Variants in BPTF observed in about 807,000 individuals in gnomAD.
BPTF encodes nucleosome-remodeling factor subunit BPTF.
A neutral mutation model predicts 292.5 loss-of-function variants in BPTF; 18 were observed. The ratio of observed to expected loss-of-function variants is 0.06; its 90% CI spans 0.04 to 0.09. The LOEUF (loss-of-function observed/expected upper bound fraction) is 0.09, where lower values mean the gene tolerates loss of function less well. BPTF is among the 10% of genes least tolerant of loss of function. The pLI is 1.00. For missense variants in BPTF, 2,726 were observed against 3,498.7 expected, an observed-to-expected ratio of 0.78 and a Z score of 5.57; for synonymous variants, 1,225 against 1,251.9, an observed-to-expected ratio of 0.98 and a Z score of 0.45.
intron 1 of BPTF, among the ~76,000 whole-genome samples, chr17:67,845,667 A>C (rs2057975607): frequency 6.6e-6 from 1 of 151,938 alleles, no homozygotes; most frequent in Admixed American, 6.6e-5. Flanking sequence ...CCAGCTACTC[A>C]GGAGGCTGAG....
At chr17:67,862,799 G>GA (rs966335361) in intron 2 of BPTF, among the ~76,000 whole-genome samples, 22 of 147,840 alleles carry the variant, frequency 1.5e-4, no homozygotes, top group East Asian at 7.8e-4. Context: ...CAGGCTCTAG[G>GA]AAAAAAATCC....
At chr17:67,914,263 A>T (rs1283311336) in intron 11 of BPTF, among the ~76,000 whole-genome samples, 1 of 152,218 alleles carries the variant, frequency 6.6e-6, no homozygotes, top group Admixed American at 6.5e-5. Context: ...TCAGCTAGAA[A>T]AAAAAGTAAG....
intron 23 of BPTF, among the ~76,000 whole-genome samples, 175 bp from the exon 24 acceptor site, chr17:67,959,366 G>A (rs2148288856): frequency 6.6e-6 from 1 of 152,274 alleles, no homozygotes. Flanking sequence ...GTTTCTAGTT[G>A]TCTTAGTTGG....
At chr17:67,918,656 G>A in intron 11 of BPTF, 58 bp from the exon 12 acceptor site, 4 of 1,476,712 alleles carry the variant, frequency 2.7e-6, no homozygotes, top group Middle Eastern at 1.8e-4. Flanking sequence ...GAATATGAAT[G>A]TGTATGTGTA....
intron 26 of BPTF, among the ~76,000 whole-genome samples, chr17:67,968,874 C>T (rs1443181429): frequency 6.6e-6 from 1 of 150,908 alleles, no homozygotes; most frequent in African/African-American, 2.5e-5. Flanking sequence ...CCTAGCTGCT[C>T]GGGAGGCTGA....
intron 9 of BPTF, among the ~76,000 whole-genome samples, chr17:67,905,890 G>A (rs539177833): frequency 4.6e-5 from 7 of 151,884 alleles, no homozygotes; most frequent in South Asian, 2.1e-4. Context: ...ATCACACACC[G>A]GGGCCTGTCG....
At chr17:67,964,510 C>A in intron 25 of BPTF, 106 bp downstream of exon 25, 1 of 1,328,612 alleles carries the variant, frequency 7.5e-7, no homozygotes, top group Non-Finnish European at 1.0e-6. Flanking sequence ...TATTTACTGA[C>A]TCCCAGCTAG....
intron 1 of BPTF, among the ~76,000 whole-genome samples, chr17:67,844,693 G>A (rs11871285): frequency 4.6e-5 from 7 of 151,636 alleles, no homozygotes; most frequent in Non-Finnish European, 1.0e-4. Flanking sequence ...GAACCACTGC[G>A]TCCAGTCTGT....
intron 9 of BPTF, 65 bp from the exon 10 acceptor site, chr17:67,909,517 C>G: frequency 1.0e-6 from 1 of 988,312 alleles, no homozygotes; most frequent in South Asian, 2.8e-5. Flanking sequence ...TTTCACTAAA[C>G]TTGACATATT....
At chr17:67,923,769 C>T (rs1017630228) in intron 14 of BPTF, among the ~76,000 whole-genome samples, 1 of 151,856 alleles carries the variant, frequency 6.6e-6, no homozygotes, top group Non-Finnish European at 1.5e-5. Flanking sequence ...TGTGAGCCAC[C>T]GCGCCCGGCC....
intron 1 of BPTF, among the ~76,000 whole-genome samples, chr17:67,848,555 G>A (rs1481974713): frequency 6.6e-6 from 1 of 152,060 alleles, no homozygotes; most frequent in Non-Finnish European, 1.5e-5. Flanking sequence ...GCAAAGTAAG[G>A]CAATTTCTGT....
intron 27 of BPTF, among the ~76,000 whole-genome samples, chr17:67,978,814 A>C (rs531376497): frequency 6.6e-6 from 1 of 152,212 alleles, no homozygotes; most frequent in Non-Finnish European, 1.5e-5. Context: ...GCTATGATTA[A>C]GCCAAAGAAC....
At chr17:67,953,961 C>CTTTTTTTTTTTTTTTTTT (rs869063412) in intron 23 of BPTF, among the ~76,000 whole-genome samples, 2 of 65,642 alleles carry the variant, frequency 3.0e-5, no homozygotes, top group African/African-American at 1.4e-4. Context: ...CTTTTCTTTT[C>CTTTTTTTTTTTTTTTTTT]TTTTTTTTTT....
chr17:67,961,209 T>G (rs1225675976), intron 24 of BPTF, among the ~76,000 whole-genome samples: 2 of 152,232 alleles, frequency 1.3e-5, no homozygotes, highest in African/African-American at 2.4e-5. Flanking sequence ...AATACCTACA[T>G]TGCATAAAAT....
At chr17:67,963,939 G>T (rs1294124501) in intron 24 of BPTF, among the ~76,000 whole-genome samples, 2 of 152,024 alleles carry the variant, frequency 1.3e-5, no homozygotes, top group Non-Finnish European at 2.9e-5. Context: ...TTTTGGCTTT[G>T]TTTTCAGCTT....
intron 1 of BPTF, among the ~76,000 whole-genome samples, chr17:67,852,652 A>G (rs1042490192): frequency 1.3e-5 from 2 of 152,212 alleles, no homozygotes; most frequent in African/African-American, 4.8e-5. Context: ...ATTTAGATTA[A>G]AAAGAAAACC....
intron 4 of BPTF, chr17:67,875,777 T>C (rs1567957104): frequency 2.1e-6 from 3 of 1,450,008 alleles, no homozygotes; most frequent in Admixed American, 2.4e-5. Context: ...GCCTCTGTAA[T>C]GGGGGGAATC....
At chr17:67,856,944 C>T (rs1357639521) in intron 2 of BPTF, among the ~76,000 whole-genome samples, 1 of 152,046 alleles carries the variant, frequency 6.6e-6, no homozygotes, top group East Asian at 1.9e-4. Flanking sequence ...GAATCTGCTC[C>T]AGCCAGTTCC....
At chr17:67,842,740 G>T (rs914618694) in intron 1 of BPTF, among the ~76,000 whole-genome samples, 44 of 130,724 alleles carry the variant, frequency 3.4e-4, no homozygotes, top group Admixed American at 8.8e-4. Context: ...TGTAACTGCA[G>T]AACATCTTTA....
Sources: allele counts gnomAD v4.1 joint callset (sites outside exome capture counted in the v4.1 genomes callset), GRCh38; gene constraint gnomAD v4.1.1; transcripts MANE v1.5; gene names NCBI Gene and HGNC (gene_info 2026-07-23, HGNC 2026-07-21).